BCL2: variants seen among roughly 807,000 people sequenced by gnomAD.
BCL2 encodes the protein BCL2 apoptosis regulator.
In BCL2, 1 loss-of-function variant was observed where a neutral mutation model predicts 14.2. That is an observed-to-expected ratio of 0.07 (90% CI 0.02 to 0.33). The LOEUF is 0.33. BCL2 is among the 10% of genes least tolerant of loss of function. The probability of loss-of-function intolerance (pLI) is 0.99; values close to 1 mark genes in which losing one functional copy is unlikely to be tolerated. For missense variants in BCL2, 247 were observed against 305.9 expected, an observed-to-expected ratio of 0.81 and a Z score of 1.44; for synonymous variants, 151 against 137.2, an observed-to-expected ratio of 1.10 and a Z score of -0.70.
intron 2 of BCL2, chr18:63,208,174 G>A (rs773122787): frequency 6.6e-6 from 1 of 152,170 alleles, no homozygotes; most frequent in African/African-American, 2.4e-5. Context: ...TCCTATTTCT[G>A]TGCTTCCCAT....
intron 2 of BCL2, among the ~76,000 whole-genome samples, chr18:63,194,444 C>T (rs1414182865): frequency 1.3e-5 from 2 of 151,616 alleles, no homozygotes; most frequent in African/African-American, 4.9e-5. Flanking sequence ...AAGCAATTCT[C>T]CTGCCTCAGT....
intron 2 of BCL2, among the ~76,000 whole-genome samples, chr18:63,298,919 A>G (rs1912876214): frequency 1.3e-5 from 2 of 152,308 alleles, no homozygotes; most frequent in South Asian, 4.1e-4. Context: ...AAGGCTCAAA[A>G]GCTGGGCGGC....
chr18:63,292,123 T>A (rs1237299737), intron 2 of BCL2, among the ~76,000 whole-genome samples: 1 of 151,678 alleles, frequency 6.6e-6, no homozygotes, highest in Non-Finnish European at 1.5e-5. Flanking sequence ...TAGGTTTGCA[T>A]GTTTCTAACG....
At chr18:63,143,283 T>C (rs1914415813) in intron 2 of BCL2, among the ~76,000 whole-genome samples, 1 of 152,180 alleles carries the variant, frequency 6.6e-6, no homozygotes, top group Non-Finnish European at 1.5e-5. Flanking sequence ...GGATGAGTTT[T>C]AAGTGAGTGG....
chr18:63,166,290 T>C (rs1599219479), intron 2 of BCL2, among the ~76,000 whole-genome samples: 1 of 152,228 alleles, frequency 6.6e-6, no homozygotes, highest in African/African-American at 2.4e-5. Flanking sequence ...TTGGCCAACC[T>C]TGGAATGGGC....
chr18:63,125,480 T>A lies in BCL2; in HGVS notation c.*3145A>T. On this transcript the variant is annotated 3_prime_UTR_variant, in exon 3 of 3. Transcript: ENST00000333681. ...GATGTTCTTCTCCTTTTGGGGCTTT[T>A]TTTAGAGCCCTTGTCCCCAATTTGG... The A allele has an allele frequency of 4.6e-6, 1 of 219,138 alleles. No homozygotes were observed. Among genetic ancestry groups the A allele is most frequent in the East Asian group, 6.6e-5 (1 of 15,076 alleles). The allele number at this position is 219,138 out of a possible 1,614,324, so 13.6% of individuals were successfully genotyped here.
At chr18:63,264,130 T>C (rs778747031) in intron 2 of BCL2, among the ~76,000 whole-genome samples, 2 of 152,224 alleles carry the variant, frequency 1.3e-5, no homozygotes, top group South Asian at 2.1e-4. Context: ...GGCCCCGCCT[T>C]TGAATCCGCG....
At chr18:63,198,906 CAT>C (rs1304656918) in intron 2 of BCL2, among the ~76,000 whole-genome samples, 8 of 149,554 alleles carry the variant, frequency 5.3e-5, no homozygotes, top group South Asian at 2.1e-4. Flanking sequence ...CACACACAGA[CAT>C]ATACAGACAC....
intron 2 of BCL2, among the ~76,000 whole-genome samples, chr18:63,241,055 G>A (rs1910987856): frequency 6.6e-6 from 1 of 152,228 alleles, no homozygotes; most frequent in Non-Finnish European, 1.5e-5. Flanking sequence ...CTCTGATGTT[G>A]CAGTGTGAAA....
rs138643651 is a variant in BCL2 at position 63,186,095 on chromosome 18, T to C, written c.586-57336A>G. The stretch of plus-strand genomic sequence containing the variant: ...CAGACTATTTTGGTTTCAGTTAATA[T>C]ATAGCACCATATAAACATTGACTCA... On this transcript the variant is annotated intron_variant, in intron 2 of 2. Coordinates refer to ENST00000333681, the MANE Select transcript of BCL2 (RefSeq NM_000633.3). Among the ~76,000 whole-genome samples the C allele has an allele frequency of 6.7e-4, 102 of 152,346 alleles. No individual in the cohort carries two copies. The East Asian group carries it at 0.013, about 19-fold the overall frequency.
intron 2 of BCL2, among the ~76,000 whole-genome samples, chr18:63,180,454 G>A (rs571105716): frequency 1.3e-5 from 2 of 152,372 alleles, no homozygotes; most frequent in South Asian, 2.1e-4. Flanking sequence ...TATGGGGGCT[G>A]CTGAGCAGCA....
intron 2 of BCL2, among the ~76,000 whole-genome samples, chr18:63,206,077 C>T (rs574435112): frequency 2.6e-4 from 40 of 152,266 alleles, no homozygotes; most frequent in African/African-American, 9.4e-4. Context: ...CATGTCTGAT[C>T]CCTGTGAAAG....
intron 2 of BCL2, among the ~76,000 whole-genome samples, chr18:63,295,511 A>T (rs1912775028): frequency 6.6e-6 from 1 of 152,220 alleles, no homozygotes; most frequent in Non-Finnish European, 1.5e-5. Context: ...CGAAACTCAT[A>T]GAATCACAAA....
intron 2 of BCL2, among the ~76,000 whole-genome samples, chr18:63,287,715 A>G (rs1912515740): frequency 6.6e-6 from 1 of 152,206 alleles, no homozygotes. Flanking sequence ...GCAAGAAGGA[A>G]TGAGAGGTTG....
At chr18:63,240,131 A>G (rs1910957988) in intron 2 of BCL2, among the ~76,000 whole-genome samples, 1 of 152,042 alleles carries the variant, frequency 6.6e-6, no homozygotes, top group African/African-American at 2.4e-5. Context: ...CTGGGACTAC[A>G]GACGTGCCAC....
intron 2 of BCL2, among the ~76,000 whole-genome samples, chr18:63,131,118 C>T (rs867934165): frequency 2.6e-5 from 4 of 152,042 alleles, no homozygotes; most frequent in Middle Eastern, 3.4e-3. Flanking sequence ...CTAACAGGGC[C>T]GAGGCTGAGA....
At chr18:63,258,640 C>T (rs542299434) in intron 2 of BCL2, among the ~76,000 whole-genome samples, 3 of 152,192 alleles carry the variant, frequency 2.0e-5, no homozygotes, top group African/African-American at 2.4e-5. Context: ...TGTTCTCTGG[C>T]GTTGCCCTCC....
At chr18:63,179,465 C>T (rs1343843159) in intron 2 of BCL2, among the ~76,000 whole-genome samples, 1 of 152,142 alleles carries the variant, frequency 6.6e-6, no homozygotes, top group Non-Finnish European at 1.5e-5. Context: ...CTGTCTGTGC[C>T]TGCTATAATA....
At chr18:63,148,036 C>T (rs1007878157) in intron 2 of BCL2, among the ~76,000 whole-genome samples, 1 of 152,116 alleles carries the variant, frequency 6.6e-6, no homozygotes, top group African/African-American at 2.4e-5. Flanking sequence ...ATCCATCAGT[C>T]ATTTTTGGGT....
Sources: gnomAD v4.1 joint callset for allele counts (sites outside exome capture counted in the v4.1 genomes callset) on GRCh38, gnomAD v4.1.1 for gene constraint, MANE v1.5 for transcripts, NCBI Gene and HGNC (gene_info 2026-07-23, HGNC 2026-07-21) for gene names.